PRKACB: variants seen among roughly 807,000 people sequenced by gnomAD.
PRKACB encodes the protein cAMP-dependent protein kinase catalytic subunit beta.
PRKACB carries 16 observed loss-of-function variants against 51.4 expected under a neutral mutation model. That is an observed-to-expected ratio of 0.31 (90% confidence interval 0.21 to 0.47). The LOEUF (loss-of-function observed/expected upper bound fraction) is 0.47, where lower values mean the gene tolerates loss of function less well. Ranked by LOEUF, PRKACB falls within the 20% of genes least tolerant of loss-of-function variation. The pLI, the probability that PRKACB is intolerant of heterozygous loss-of-function variation, is 1.00. For synonymous variants in PRKACB, 147 were observed against 154.4 expected, an observed-to-expected ratio of 0.95 and a Z score of 0.35; for missense variants, 309 against 464.5, an observed-to-expected ratio of 0.67 and a Z score of 3.08.
intron 1 of PRKACB, among the ~76,000 whole-genome samples, chr1:84,149,222 A>G (rs1053006424): frequency 6.6e-6 from 1 of 152,170 alleles, no homozygotes; most frequent in African/African-American, 2.4e-5. Flanking sequence ...TTTTGTATAT[A>G]TACTCTATTT....
At chr1:84,121,742 A>C (rs903550973) in intron 1 of PRKACB, among the ~76,000 whole-genome samples, 2 of 152,136 alleles carry the variant, frequency 1.3e-5, no homozygotes, top group Non-Finnish European at 2.9e-5. Flanking sequence ...CCTGAAATTT[A>C]ATCTCTGTTA....
chr1:84,222,105 T>C (rs1277953918), intron 9 of PRKACB, among the ~76,000 whole-genome samples: 1 of 152,160 alleles, frequency 6.6e-6, no homozygotes. Flanking sequence ...ATCTGTGTGC[T>C]CTAGTATTGG....
intron 1 of PRKACB, among the ~76,000 whole-genome samples, chr1:84,129,435 T>TA (rs1651950548): frequency 6.6e-6 from 1 of 152,150 alleles, no homozygotes; most frequent in Admixed American, 6.5e-5. Flanking sequence ...GTATAAAAAT[T>TA]ACATTTTTTA....
chr1:84,206,146 G>C (rs964662925), intron 8 of PRKACB, among the ~76,000 whole-genome samples: 2 of 152,014 alleles, frequency 1.3e-5, no homozygotes. Context: ...AGAGCCCTTG[G>C]CTTATGTAAT....
intron 9 of PRKACB, among the ~76,000 whole-genome samples, chr1:84,220,843 TAGTGTTTTGTTA>T (rs1220196860): frequency 6.6e-6 from 1 of 152,154 alleles, no homozygotes; most frequent in Non-Finnish European, 1.5e-5. Flanking sequence ...TTTTGTTAGC[TAGTGTTTTGTTA>T]AAAATTTTTG....
chr1:84,234,885 C>G (rs1407721351), intron 9 of PRKACB, among the ~76,000 whole-genome samples: 1 of 152,236 alleles, frequency 6.6e-6, no homozygotes. Context: ...CTGTGTCCCT[C>G]ACGCTGGGAG....
At chr1:84,108,813 A>G (rs1486622312) in intron 1 of PRKACB, among the ~76,000 whole-genome samples, 1 of 151,900 alleles carries the variant, frequency 6.6e-6, no homozygotes, top group Non-Finnish European at 1.5e-5. Context: ...TCATTTTTGA[A>G]TTTTTCTTTG....
At chr1:84,174,941 A>C in intron 1 of PRKACB, 2 of 1,172,346 alleles carry the variant, frequency 1.7e-6, no homozygotes, top group Non-Finnish European at 2.3e-6. Flanking sequence ...ATTTCTGTAT[A>C]TAGTATTCTG....
intron 1 of PRKACB, among the ~76,000 whole-genome samples, chr1:84,109,235 A>G (rs1443074660): frequency 6.6e-6 from 1 of 151,984 alleles, no homozygotes; most frequent in Non-Finnish European, 1.5e-5. Context: ...TGGCGAACAT[A>G]TGTATGCATT....
chr1:84,237,798 A>G lies in PRKACB; in HGVS notation c.*2493A>G, dbSNP rs767120230. 2.0e-5 allele frequency: 3 copies of G among 152,190 alleles called. No homozygotes were observed. The highest frequency in any genetic ancestry group is 4.4e-5 in the Non-Finnish European group (3 of 67,990). The allele number at this position is 152,190 out of a possible 1,614,324, so 9.4% of individuals were successfully genotyped here. On this transcript the variant is annotated 3_prime_UTR_variant, in exon 10 of 10. Transcript: ENST00000370685. ...AATAATTAAGAGATGGCATTGTGTA[A>G]GAAGGAGCCCTAGACTGAAAGTCAA...
At chr1:84,204,398 G>A in intron 8 of PRKACB, 1 of 1,039,512 alleles carries the variant, frequency 9.6e-7, no homozygotes, top group Non-Finnish European at 1.5e-6. Flanking sequence ...ATTTAAACAA[G>A]TATCAGTATC....
chr1:84,196,505 A>T, intron 5 of PRKACB, 111 bp from the exon 6 acceptor site: 6 of 1,070,190 alleles, frequency 5.6e-6, no homozygotes, highest in Non-Finnish European at 7.8e-6. Flanking sequence ...TTAAAAAAAT[A>T]CTTTTTGTTC....
intron 1 of PRKACB, among the ~76,000 whole-genome samples, chr1:84,153,411 A>G (rs1655072036): frequency 1.3e-5 from 2 of 150,512 alleles, no homozygotes; most frequent in South Asian, 4.2e-4. Flanking sequence ...GCTGAGTGCA[A>G]TAAAGCAACA....
rs558453063 is a variant in PRKACB, at chr1:84,204,997, C to G, written c.906+2192C>G. 2.0e-5 allele frequency: 20 copies of G among 983,664 alleles called. No homozygotes were observed. In the African/African-American group the frequency reaches 3.5e-4, roughly 17 times the overall value. The allele number at this position is 983,664 out of a possible 1,614,324, so 60.9% of individuals were successfully genotyped here. A position where few individuals can be genotyped will look rare whatever the true frequency, so the allele number is the denominator to read the frequency against. On this transcript the variant is annotated intron_variant, in intron 8 of 9. Transcript: ENST00000370685. The stretch of plus-strand genomic sequence containing the variant: ...GCATATATTCTAAAATCATAACAGT[C>G]TAAATCCTGGGCACCTTAGAAGAAT...
chr1:84,223,088 AATTAAAT>A (rs1241065882), intron 9 of PRKACB, among the ~76,000 whole-genome samples: 2 of 152,112 alleles, frequency 1.3e-5, no homozygotes, highest in Non-Finnish European at 2.9e-5. Context: ...ACTATTATTA[AATTAAAT>A]GAGTTTTTCT....
rs916375894 is a variant in PRKACB at position 84,236,632 on chromosome 1, G to A, written c.*1327G>A. 2 of 152,610 alleles carry A rather than the reference G, an allele frequency of 1.3e-5. No homozygotes were observed. The highest frequency in any genetic ancestry group is 4.8e-5 in the African/African-American group (2 of 41,442). The allele number at this position is 152,610 out of a possible 1,614,324, so 9.5% of individuals were successfully genotyped here. A position where few individuals can be genotyped will look rare whatever the true frequency, so the allele number is the denominator to read the frequency against. On this transcript the variant is annotated 3_prime_UTR_variant, in exon 10 of 10. Transcript: ENST00000370685. The stretch of plus-strand genomic sequence containing the variant: ...ATGCAGATACAATGTTGGTATTTGA[G>A]AGGTTAGTTTTTTTCCTACACTTTT...
chr1:84,184,796 A>G (rs905345928), intron 4 of PRKACB, among the ~76,000 whole-genome samples: 1 of 151,836 alleles, frequency 6.6e-6, no homozygotes, highest in African/African-American at 2.4e-5. Context: ...TACCTTTGTT[A>G]TTCTTTTGCA....
chr1:84,173,369 T>C, intron 1 of PRKACB: 5 of 1,556,714 alleles, frequency 3.2e-6, no homozygotes, highest in Non-Finnish European at 4.4e-6. Context: ...AAACCCCTTT[T>C]TTTACAGAAT....
intron 1 of PRKACB, among the ~76,000 whole-genome samples, chr1:84,108,218 A>C (rs1649938397): frequency 6.6e-6 from 1 of 151,946 alleles, no homozygotes; most frequent in Non-Finnish European, 1.5e-5. Context: ...TAAACTAACA[A>C]AGGAGCAGAA....
Sources: gnomAD v4.1 joint callset for allele counts (sites outside exome capture counted in the v4.1 genomes callset) on GRCh38, gnomAD v4.1.1 for gene constraint, MANE v1.5 for transcripts, NCBI Gene and HGNC (gene_info 2026-07-23, HGNC 2026-07-21) for gene names.